APBB1: variants seen among roughly 807,000 people sequenced by gnomAD.
The protein encoded by APBB1 is amyloid beta precursor protein binding family B member 1.
In APBB1, 22 loss-of-function variants were observed where a neutral mutation model predicts 78.4. The ratio of observed to expected loss-of-function variants is 0.28; its 90% confidence interval spans 0.20 to 0.40. The LOEUF is 0.40. Among genes scored for constraint, APBB1 ranks in the 10% least tolerant of loss-of-function variants. The probability of loss-of-function intolerance (pLI) is 1.00; values close to 1 mark genes in which losing one functional copy is unlikely to be tolerated. For synonymous variants in APBB1, 369 were observed against 372.7 expected, an observed-to-expected ratio of 0.99 and a Z score of 0.12; for missense variants, 749 against 932.4, an observed-to-expected ratio of 0.80 and a Z score of 2.56.
rs1266133840 is a variant in APBB1, at chr11:6,419,009, G to T, written c.-39C>A. ...CCTGCGCGGTGAGGCCCCGGGCCCA[G>T]ATGACGGAGGTGGCTCAGGCTGCGG... On this transcript the variant is annotated 5_prime_UTR_variant, in exon 1 of 15. The change creates a new upstream start codon in the 5' untranslated region. Coordinates refer to ENST00000609360, the MANE Select transcript of APBB1 (RefSeq NM_001164.5). 2.5e-6 allele frequency: 1 copy of T among 393,388 alleles called. No homozygotes were observed. The highest frequency in any genetic ancestry group is 4.5e-6 in the Non-Finnish European group (1 of 222,664). The allele number at this position is 393,388 out of a possible 1,614,324, so 24.4% of individuals were successfully genotyped here.
rs1242866833 is a variant in APBB1 at position 6,403,045 on chromosome 11, C to T, written c.1104+100G>A. On this transcript the variant is annotated intron_variant, in intron 6 of 14. Coordinates refer to ENST00000609360, the MANE Select transcript of APBB1 (RefSeq NM_001164.5). The surrounding 1 kb of genome is among the most constrained non-coding windows in gnomAD (Gnocchi z 5.3). Reference sequence around the variant, plus strand: ...GACTGGAAGAACTCCTAACTCAGGACCTGGGGAACTGCGCTGAGACCCCTC... The same window carrying T: ...GACTGGAAGAACTCCTAACTCAGGATCTGGGGAACTGCGCTGAGACCCCTC... 2.6e-6 allele frequency: 3 copies of T among 1,171,030 alleles called. No homozygotes were observed. Among genetic ancestry groups the T allele is most frequent in the Non-Finnish European group, 3.7e-6 (3 of 819,114 alleles). The allele number at this position is 1,171,030 out of a possible 1,614,324, so 72.5% of individuals were successfully genotyped here.
chr11:6,412,546 C>T (rs1376952572), intron 1 of APBB1, among the ~76,000 whole-genome samples: 2 of 152,202 alleles, frequency 1.3e-5, no homozygotes, highest in Admixed American at 6.5e-5. Context: ...CCCTCCTCAG[C>T]AATCCCTAAA....
intron 1 of APBB1, among the ~76,000 whole-genome samples, chr11:6,414,484 A>G (rs549756647): frequency 6.6e-6 from 1 of 152,276 alleles, no homozygotes; most frequent in South Asian, 2.1e-4. Context: ...GGGCTGTTGC[A>G]GAAGGAAAGG....
chr11:6,404,460 TG>T, intron 2 of APBB1: 1 of 955,130 alleles, frequency 1.0e-6, no homozygotes, highest in Non-Finnish European at 1.6e-6. Flanking sequence ...AACACACGTG[TG>T]GGTACCACAC....
At position 6,401,231 on chromosome 11, in the gene APBB1, A is replaced by C; in HGVS notation, c.1588+114T>G. 6.2e-7 allele frequency: 1 copy of C among 1,610,480 alleles called. No individual in the cohort carries two copies. The highest frequency in any genetic ancestry group is 8.5e-7 in the Non-Finnish European group (1 of 1,178,322). On this transcript the variant is annotated intron_variant, in intron 11 of 14. Coordinates refer to ENST00000609360, the MANE Select transcript of APBB1 (RefSeq NM_001164.5). This position sits in a 1 kb window ranked among gnomAD's most constrained non-coding sequence, Gnocchi z 4.5. ...AGTCCCTCCACGTATTGGAGTATTC[A>C]GTCTTCATGTGTTCATTTTTCTATC...
Position 6,396,375 on chromosome 11 carries a change from G to A in APBB1, c.1673-160C>T, listed in dbSNP as rs1848222474. The A allele has an allele frequency of 3.3e-5, 20 of 599,730 alleles. No homozygotes were observed. In the South Asian group the frequency reaches 4.2e-4, roughly 13 times the overall value. The allele number at this position is 599,730 out of a possible 1,614,324, so 37.2% of individuals were successfully genotyped here. ...ACGCTGTCCAAGTATCCCTTCCCTG[G>A]GGCTCTCCTCCCCTGGCTTCAGTAA... On this transcript the variant is annotated intron_variant, in intron 12 of 14. Transcript: ENST00000609360.
rs1474356464 is a variant in APBB1, at chr11:6,402,570, C to T, written c.1254+6G>A. On this transcript the variant is annotated splice_donor_region_variant and intron_variant, in intron 7 of 14. Transcript: ENST00000609360. ...ACCACCCCCTACCCCCGGCTCAGGTCCTTACTTCCCCCCAGCCCCCAGACA... is the reference window on the plus strand; with the variant it reads ...ACCACCCCCTACCCCCGGCTCAGGTTCTTACTTCCCCCCAGCCCCCAGACA... 1.9e-6 allele frequency: 3 copies of T among 1,613,856 alleles called. No individual in the cohort carries two copies. The highest frequency in any genetic ancestry group is 2.2e-5 in the South Asian group (2 of 91,066).
At chr11:6,407,255 A>C (rs1848834359) in intron 2 of APBB1, among the ~76,000 whole-genome samples, 1 of 152,140 alleles carries the variant, frequency 6.6e-6, no homozygotes. Context: ...CCACCAGTGC[A>C]TGATCCTTGA....
At position 6,410,886 on chromosome 11, in the gene APBB1, G is replaced by T. The variant is rs142517221; in HGVS notation, c.462C>A (p.Ala154=). 6.2e-7 allele frequency: 1 copy of T among 1,613,854 alleles called. No homozygotes were observed. The change falls in exon 2 of 15, where the codon GCC becomes GCA. Residue 154 remains alanine, a synonymous_variant. Coordinates refer to ENST00000609360, the MANE Select transcript of APBB1 (RefSeq NM_001164.5). Reference sequence around the variant, plus strand: ...CCTCCTCCTCCTCCTCGGCCTCCCCGGCCGCCTTCTCCTCTCCCTCATCTG... The same window carrying T: ...CCTCCTCCTCCTCCTCGGCCTCCCCTGCCGCCTTCTCCTCTCCCTCATCTG... The part of the protein sequence containing the change: ...QGPDEGEEKA[A]GEAEEEEEDD...
chr11:6,395,270 C>T lies in APBB1; in HGVS notation c.*264G>A. On this transcript the variant is annotated 3_prime_UTR_variant, in exon 15 of 15. Coordinates refer to ENST00000609360, the MANE Select transcript of APBB1 (RefSeq NM_001164.5). The surrounding 1 kb of genome is among the most constrained non-coding windows in gnomAD (Gnocchi z 5.2). ...TGAGGCCTGGCCTGGACCAGTTCCT[C>T]CTGTTCCACCTGAAACACATGGGGA... is the stretch of plus-strand genomic sequence containing the variant. 1 of 379,908 alleles carries T rather than the reference C, an allele frequency of 2.6e-6. No individual in the cohort carries two copies. The highest frequency in any genetic ancestry group is 4.7e-6 in the Non-Finnish European group (1 of 212,334). 23.5% of individuals were successfully genotyped at this position (379,908 alleles called of 1,614,324 possible). A position where few individuals can be genotyped will look rare whatever the true frequency, so the allele number is the denominator to read the frequency against.
rs748242751 is a variant in APBB1 at position 6,402,585 on chromosome 11, G to A, written c.1245C>T (p.Gly415=). Residue 415 remains glycine, a synonymous_variant, in exon 7 of 15, where the codon GGC becomes GGT. Transcript: ENST00000609360. ...KNNLHDPMSG[G]WGEGKDLLLQ... Reference sequence around the variant, plus strand: ...CGGCTCAGGTCCTTACTTCCCCCCAGCCCCCAGACATGGGGTCATGCAGGT... The same window carrying A: ...CGGCTCAGGTCCTTACTTCCCCCCAACCCCCAGACATGGGGTCATGCAGGT... 1.7e-5 allele frequency: 27 copies of A among 1,613,760 alleles called. No individual in the cohort carries two copies. Among genetic ancestry groups the A allele is most frequent in the Non-Finnish European group, 2.0e-5 (24 of 1,179,952 alleles).
intron 1 of APBB1, among the ~76,000 whole-genome samples, chr11:6,416,589 G>C (rs1849121709): frequency 6.6e-6 from 1 of 152,138 alleles, no homozygotes; most frequent in Admixed American, 6.5e-5. Flanking sequence ...CTGTGAATCT[G>C]AAGTAGGGGT....
rs1453358189 is a variant in APBB1 at position 6,411,205 on chromosome 11, T to G, written c.143A>C (p.Lys48Thr). Residue 48 changes from lysine (K) to threonine (T), a missense_variant, in exon 2 of 15, where the codon AAG becomes ACG. This residue lies in a region of APBB1 where 635 missense variants were observed against 765.0 expected (regional missense o/e 0.83). Coordinates refer to ENST00000609360, the MANE Select transcript of APBB1 (RefSeq NM_001164.5). The surrounding 1 kb of genome is among the most constrained non-coding windows in gnomAD (Gnocchi z 5.2). ...CTCCCCCATGGCGCTGCGCAGGTCC[T>G]TGGGTCCCACAGCTGTGGCCTGCAG... ...AKLQATAVGP[K>T]DLRSAMGEGG... The G allele has an allele frequency of 1.2e-6, 2 of 1,607,704 alleles. No individual in the cohort carries two copies. The highest frequency in any genetic ancestry group is 1.7e-6 in the Non-Finnish European group (2 of 1,178,718).
chr11:6,395,402 A>C lies in APBB1; in HGVS notation c.*132T>G. On this transcript the variant is annotated 3_prime_UTR_variant, in exon 15 of 15. Coordinates refer to ENST00000609360, the MANE Select transcript of APBB1 (RefSeq NM_001164.5). This position sits in a 1 kb window ranked among gnomAD's most constrained non-coding sequence, Gnocchi z 5.2. ...TCCCTCCCCAGCTCCTAGGCAGGGAACCGTAGCTACTGGGGAGGGGCATAT... is the reference window on the plus strand; with the variant it reads ...TCCCTCCCCAGCTCCTAGGCAGGGACCCGTAGCTACTGGGGAGGGGCATAT... The C allele has an allele frequency of 1.1e-5, 10 of 923,886 alleles. No individual in the cohort carries two copies. The highest frequency in any genetic ancestry group is 3.5e-5 in the Admixed American group (1 of 28,788). 57.2% of individuals were successfully genotyped at this position (923,886 alleles called of 1,614,324 possible). A position where few individuals can be genotyped will look rare whatever the true frequency, so the allele number is the denominator to read the frequency against.
rs376626035 is a variant in APBB1 at position 6,401,086 on chromosome 11, G to A, written c.1589-14C>T. The A allele has an allele frequency of 6.5e-4, 1,057 of 1,614,020 alleles. No homozygotes were observed. The highest frequency in any genetic ancestry group is 9.0e-4 in the Admixed American group (54 of 60,004). On this transcript the variant is annotated splice_polypyrimidine_tract_variant and intron_variant, in intron 11 of 14. Transcript: ENST00000609360. This position sits in a 1 kb window ranked among gnomAD's most constrained non-coding sequence, Gnocchi z 4.5. Reference sequence around the variant, plus strand: ...CTGGGAATTCCACTATGGGAAAGAAGAGAAGGTTGATCATGGTGGCAGACC... The same window carrying A: ...CTGGGAATTCCACTATGGGAAAGAAAAGAAGGTTGATCATGGTGGCAGACC...
In APBB1 at chr11:6,403,809, G is replaced by A. The variant is rs760783961; in HGVS notation, c.735C>T (p.Asn245=). The stretch of plus-strand genomic sequence containing the variant: ...CGGAATCCGTCTCGAAGGCGTTGGG[G>A]TTCCAGAAGGAATCTGCCAGGTGGG... ...GSPEDTDSFW[N]PNAFETDSDL... The change falls in exon 3 of 15, where the codon AAC becomes AAT. Residue 245 remains asparagine, a synonymous_variant. Transcript: ENST00000609360. This position sits in a 1 kb window ranked among gnomAD's most constrained non-coding sequence, Gnocchi z 5.3. 6.5e-7 allele frequency: 1 copy of A among 1,546,784 alleles called. No homozygotes were observed. Among genetic ancestry groups the A allele is most frequent in the Non-Finnish European group, 8.7e-7 (1 of 1,145,426 alleles).
At chr11:6,409,420 T>C (rs963827401) in intron 2 of APBB1, among the ~76,000 whole-genome samples, 2 of 152,194 alleles carry the variant, frequency 1.3e-5, no homozygotes, top group Non-Finnish European at 2.9e-5. Flanking sequence ...TAACCTACGC[T>C]GGGCCTAGGA....
At chr11:6,404,204 C>T in intron 2 of APBB1, 1 of 400,892 alleles carries the variant, frequency 2.5e-6, no homozygotes. Context: ...TACATGTATA[C>T]ACAGACACAC....
At chr11:6,396,415 A>C in intron 12 of APBB1, 200 bp from the exon 13 acceptor site, 1 of 549,750 alleles carries the variant, frequency 1.8e-6, no homozygotes, top group Non-Finnish European at 3.2e-6. Flanking sequence ...ACATTTTCCT[A>C]CTTTTTAAAA....
Sources: gnomAD v4.1 joint callset for allele counts (sites outside exome capture counted in the v4.1 genomes callset) on GRCh38, gnomAD v4.1.1 for gene constraint, gnomAD v4.1.1 regional missense constraint, Gnocchi (gnomAD v3.1) non-coding constraint, MANE v1.5 for transcripts, NCBI Gene and HGNC (gene_info 2026-07-23, HGNC 2026-07-21) for gene names.